Variants in XKR4 observed in about 807,000 individuals in gnomAD.
The protein encoded by XKR4 is XK related 4.
In XKR4, 12 loss-of-function variants were observed where a neutral mutation model predicts 53.9. That is an observed-to-expected ratio of 0.22 (90% CI 0.14 to 0.36). The LOEUF (loss-of-function observed/expected upper bound fraction) is 0.36, where lower values mean the gene tolerates loss of function less well. Among genes scored for constraint, XKR4 ranks in the 10% least tolerant of loss-of-function variants. The pLI, the probability that XKR4 is intolerant of heterozygous loss-of-function variation, is 1.00. For missense variants in XKR4, 799 were observed against 859.5 expected (o/e 0.93, Z 0.88); for synonymous variants, 354 against 362.4 (o/e 0.98, Z 0.26).
intron 2 of XKR4, among the ~76,000 whole-genome samples, chr8:55,358,087 G>C (rs1008314910): frequency 3.3e-5 from 5 of 152,072 alleles, no homozygotes; most frequent in African/African-American, 1.2e-4. Flanking sequence ...TTGCTCTCCA[G>C]CTGTCCTCTT....
chr8:55,523,615 T>C lies in XKR4; in HGVS notation c.1341T>C (p.Asn447=). The C allele has an allele frequency of 6.2e-7, 1 of 1,614,196 alleles. No individual in the cohort carries two copies. The highest frequency in any genetic ancestry group is 8.5e-7 in the Non-Finnish European group (1 of 1,180,036). ...TTATCTATATCTTCAGTTGGTTCAATGTCAAGGAAGGCAGGACACGCTGCA... is the reference window on the plus strand; with the variant it reads ...TTATCTATATCTTCAGTTGGTTCAACGTCAAGGAAGGCAGGACACGCTGCA... ...VGIIYIFSWF[N]VKEGRTRCRL... Residue 447 remains asparagine, a synonymous_variant, in exon 3 of 3, where the codon AAT becomes AAC. Transcript: ENST00000327381.
chr8:55,331,618 G>A (rs1361694481), intron 1 of XKR4, among the ~76,000 whole-genome samples: 1 of 152,030 alleles, frequency 6.6e-6, no homozygotes, highest in African/African-American at 2.4e-5. Context: ...AGATATTTAG[G>A]AAGTCTGATG....
chr8:55,476,136 T>A (rs1805980921), intron 2 of XKR4, among the ~76,000 whole-genome samples: 1 of 151,954 alleles, frequency 6.6e-6, no homozygotes, highest in African/African-American at 2.4e-5. Flanking sequence ...ATTCTGTGGG[T>A]AGTAGGTAGA....
chr8:55,364,441 CT>C (rs2129385149), intron 2 of XKR4, among the ~76,000 whole-genome samples: 1 of 152,336 alleles, frequency 6.6e-6, no homozygotes, highest in African/African-American at 2.4e-5. Context: ...GTAGCGTGTT[CT>C]CCCCGATGCC....
chr8:55,240,343 C>T (rs7464993), intron 1 of XKR4, among the ~76,000 whole-genome samples: 3,363 of 152,186 alleles, frequency 0.022, 135 homozygotes, highest in African/African-American at 0.076. Context: ...TACTAAACAA[C>T]CTATATGTTC....
intron 2 of XKR4, among the ~76,000 whole-genome samples, chr8:55,475,896 C>T (rs770447665): frequency 2.6e-5 from 4 of 151,890 alleles, no homozygotes; most frequent in Admixed American, 6.6e-5. Context: ...CCACCACACC[C>T]AGCCTCACAC....
intron 1 of XKR4, among the ~76,000 whole-genome samples, chr8:55,354,418 T>G (rs1250938639): frequency 6.6e-6 from 1 of 151,972 alleles, no homozygotes; most frequent in Non-Finnish European, 1.5e-5. Flanking sequence ...GATTCCAAAC[T>G]GAGTAGGACA....
chr8:55,152,840 A>G (rs930234097), intron 1 of XKR4, among the ~76,000 whole-genome samples: 1 of 152,196 alleles, frequency 6.6e-6, no homozygotes. Flanking sequence ...CCTTAACTAC[A>G]TTTGAGCCTA....
At chr8:55,417,240 C>A (rs1245130375) in intron 2 of XKR4, among the ~76,000 whole-genome samples, 3 of 152,246 alleles carry the variant, frequency 2.0e-5, no homozygotes, top group Non-Finnish European at 4.4e-5. Context: ...CCCAAGCGGG[C>A]AGTTTAGGAA....
At chr8:55,230,183 G>A (rs539564153) in intron 1 of XKR4, among the ~76,000 whole-genome samples, 10 of 152,140 alleles carry the variant, frequency 6.6e-5, no homozygotes, top group Middle Eastern at 3.4e-3. Context: ...CCAGTGACTC[G>A]TTATGGCTTA....
In XKR4 at chr8:55,279,933, G is replaced by A. The variant is rs191719053; in HGVS notation, c.807-77745G>A. 1.2e-4 allele frequency among the ~76,000 whole-genome samples: 19 copies of A among 152,282 alleles called. No homozygotes were observed. The East Asian group carries it at 3.7e-3, about 29-fold the overall frequency. On this transcript the variant is annotated intron_variant, in intron 1 of 2. Coordinates refer to ENST00000327381, the MANE Select transcript of XKR4 (RefSeq NM_052898.2). Reference sequence around the variant, plus strand: ...AAATGTAAACCAATGATCATGCGAGGCTGAGATGAATAAGGGTTGACAAAG... The same window carrying A: ...AAATGTAAACCAATGATCATGCGAGACTGAGATGAATAAGGGTTGACAAAG...
chr8:55,144,158 A>T (rs1476228626), intron 1 of XKR4, among the ~76,000 whole-genome samples: 1 of 152,146 alleles, frequency 6.6e-6, no homozygotes, highest in African/African-American at 2.4e-5. Context: ...TTCATTTTGC[A>T]TCTCTTCTTG....
At chr8:55,198,768 C>A (rs1330218406) in intron 1 of XKR4, among the ~76,000 whole-genome samples, 1 of 152,106 alleles carries the variant, frequency 6.6e-6, no homozygotes, top group Non-Finnish European at 1.5e-5. Flanking sequence ...GTATAATATA[C>A]AACCCTGTAA....
chr8:55,211,140 G>C (rs1817724594), intron 1 of XKR4, among the ~76,000 whole-genome samples: 2 of 152,200 alleles, frequency 1.3e-5, no homozygotes, highest in Admixed American at 6.5e-5. Flanking sequence ...TTAACTGCCT[G>C]CCTGATTGGT....
At chr8:55,199,800 C>G (rs1366346149) in intron 1 of XKR4, among the ~76,000 whole-genome samples, 1 of 152,188 alleles carries the variant, frequency 6.6e-6, no homozygotes, top group Non-Finnish European at 1.5e-5. Context: ...TTATCCAAGG[C>G]TTATTACGTG....
At chr8:55,478,707 C>T (rs1435207917) in intron 2 of XKR4, among the ~76,000 whole-genome samples, 8 of 152,070 alleles carry the variant, frequency 5.3e-5, no homozygotes, top group Admixed American at 5.2e-4. Context: ...GGAGGAAGAT[C>T]TACCAAGCAA....
At chr8:55,202,547 A>T (rs1817589691) in intron 1 of XKR4, among the ~76,000 whole-genome samples, 1 of 152,284 alleles carries the variant, frequency 6.6e-6, no homozygotes, top group Non-Finnish European at 1.5e-5. Context: ...AAGGCTCTTT[A>T]GGTGTGTTTT....
Position 55,289,229 on chromosome 8 carries a change from T to G in XKR4, c.807-68449T>G, listed in dbSNP as rs187470146. Among the ~76,000 whole-genome samples, 68 of 152,104 alleles carry G rather than the reference T, an allele frequency of 4.5e-4. 1 individual carries two copies. Among genetic ancestry groups the G allele is most frequent in the Non-Finnish European group, 1.5e-4 (10 of 67,952 alleles). On this transcript the variant is annotated intron_variant, in intron 1 of 2. Coordinates refer to ENST00000327381, the MANE Select transcript of XKR4 (RefSeq NM_052898.2). Reference sequence around the variant, plus strand: ...TTGCAGGTTTAGTTTTATAGGAAATTGCCAGGCCAGTTGAGGTGGCTCACG... The same window carrying G: ...TTGCAGGTTTAGTTTTATAGGAAATGGCCAGGCCAGTTGAGGTGGCTCACG...
At chr8:55,199,753 T>TA (rs765894069) in intron 1 of XKR4, among the ~76,000 whole-genome samples, 66 of 152,354 alleles carry the variant, frequency 4.3e-4, no homozygotes, top group Non-Finnish European at 7.6e-4. Context: ...TTTAGTGTTG[T>TA]ACTGTAAGAT....
Sources: allele counts gnomAD v4.1 joint callset (sites outside exome capture counted in the v4.1 genomes callset), GRCh38; gene constraint gnomAD v4.1.1; transcripts MANE v1.5; gene names NCBI Gene and HGNC (gene_info 2026-07-23, HGNC 2026-07-21).